Variants in EXOC4 observed in about 807,000 individuals in gnomAD.
EXOC4 encodes exocyst complex component 4.
In EXOC4, 71 loss-of-function variants were observed where a neutral mutation model predicts 107.2. That is an observed-to-expected ratio of 0.66 (90% confidence interval 0.55 to 0.81). EXOC4 has a LOEUF of 0.81. EXOC4 is among the 30% of genes least tolerant of loss of function. EXOC4 has a pLI of 0.00. For synonymous variants in EXOC4, 456 were observed against 441.2 expected (o/e 1.03, Z -0.42); for missense variants, 1,108 against 1,189.6 (o/e 0.93, Z 1.01).
chr7:133,897,922 T>C (rs1374943205), intron 12 of EXOC4, among the ~76,000 whole-genome samples: 1 of 152,118 alleles, frequency 6.6e-6, no homozygotes, highest in Non-Finnish European at 1.5e-5. Context: ...ATAGTGACCA[T>C]GATGTTCAAT....
intron 9 of EXOC4, among the ~76,000 whole-genome samples, chr7:133,603,465 A>C (rs889081597): frequency 6.6e-6 from 1 of 152,188 alleles, no homozygotes; most frequent in African/African-American, 2.4e-5. Context: ...TTCCACAAAC[A>C]TGGATGGTAT....
intron 1 of EXOC4, among the ~76,000 whole-genome samples, chr7:133,271,355 C>T (rs921835350): frequency 6.6e-6 from 1 of 152,098 alleles, no homozygotes; most frequent in Non-Finnish European, 1.5e-5. Context: ...AAATGTTCAC[C>T]GCCTACCATT....
At chr7:133,619,652 T>C (rs1802278590) in intron 9 of EXOC4, among the ~76,000 whole-genome samples, 1 of 152,236 alleles carries the variant, frequency 6.6e-6, no homozygotes. Context: ...TCACTCTTGC[T>C]GTTACAGGAA....
chr7:133,381,541 A>T (rs1456598547), intron 7 of EXOC4, among the ~76,000 whole-genome samples: 3 of 152,144 alleles, frequency 2.0e-5, no homozygotes, highest in Non-Finnish European at 2.9e-5. Flanking sequence ...ATAGACAAGG[A>T]TATTCAGGGA....
intron 5 of EXOC4, among the ~76,000 whole-genome samples, chr7:133,346,406 T>G (rs1795784845): frequency 6.6e-6 from 1 of 152,226 alleles, no homozygotes; most frequent in Admixed American, 6.5e-5. Flanking sequence ...CACAGAGATG[T>G]TATTCTCAAT....
At chr7:133,946,253 A>G (rs1258084909) in intron 14 of EXOC4, among the ~76,000 whole-genome samples, 1 of 152,158 alleles carries the variant, frequency 6.6e-6, no homozygotes, top group South Asian at 2.1e-4. Flanking sequence ...TATTGACGAT[A>G]CCTTCCAAAC....
At chr7:133,588,928 A>G (rs1174424390) in intron 9 of EXOC4, among the ~76,000 whole-genome samples, 2 of 151,370 alleles carry the variant, frequency 1.3e-5, no homozygotes, top group Non-Finnish European at 2.9e-5. Context: ...ATGTGTGTAT[A>G]TGTGTGTGTG....
intron 17 of EXOC4, among the ~76,000 whole-genome samples, chr7:134,049,820 A>C (rs1795740241): frequency 6.6e-6 from 1 of 152,066 alleles, no homozygotes; most frequent in Non-Finnish European, 1.5e-5. Context: ...GCAAGTAAAC[A>C]AATTTAAAAA....
intron 9 of EXOC4, among the ~76,000 whole-genome samples, chr7:133,533,083 A>G (rs944768847): frequency 4.6e-5 from 7 of 152,106 alleles, no homozygotes; most frequent in African/African-American, 1.7e-4. Flanking sequence ...TGAGCAATGT[A>G]TCTTGGTCTT....
intron 17 of EXOC4, among the ~76,000 whole-genome samples, chr7:134,028,675 C>T (rs887219954): frequency 1.3e-5 from 2 of 152,170 alleles, no homozygotes; most frequent in African/African-American, 4.8e-5. Context: ...GCCAACTAGT[C>T]TTCTGCCTCC....
At chr7:133,929,470 T>C (rs765542750) in intron 13 of EXOC4, among the ~76,000 whole-genome samples, 1 of 91,910 alleles carries the variant, frequency 1.1e-5, no homozygotes, top group African/African-American at 1.1e-4. Flanking sequence ...CTAACACTTC[T>C]ATCCCAGAAA....
At chr7:133,471,595 T>C (rs908908101) in intron 7 of EXOC4, among the ~76,000 whole-genome samples, 1 of 152,226 alleles carries the variant, frequency 6.6e-6, no homozygotes, top group African/African-American at 2.4e-5. Flanking sequence ...CCTTTTTCTT[T>C]TAAATTTTAT....
At chr7:133,810,829 T>C (rs1797209134) in intron 10 of EXOC4, among the ~76,000 whole-genome samples, 1 of 151,900 alleles carries the variant, frequency 6.6e-6, no homozygotes, top group Non-Finnish European at 1.5e-5. Flanking sequence ...GAGACAGGGT[T>C]TTACCATGTT....
At chr7:133,973,887 C>T (rs1442352351) in intron 14 of EXOC4, among the ~76,000 whole-genome samples, 1 of 152,178 alleles carries the variant, frequency 6.6e-6, no homozygotes, top group Non-Finnish European at 1.5e-5. Flanking sequence ...GGGCCTGCAT[C>T]TGGCAAGTGC....
intron 11 of EXOC4, among the ~76,000 whole-genome samples, chr7:133,840,349 A>G (rs1324231332): frequency 6.6e-6 from 1 of 152,190 alleles, no homozygotes; most frequent in Admixed American, 6.5e-5. Context: ...ATAGGGATGC[A>G]TATCTAAGTG....
chr7:133,861,040 C>T (rs1463659317), intron 11 of EXOC4, among the ~76,000 whole-genome samples: 2 of 152,200 alleles, frequency 1.3e-5, no homozygotes, highest in African/African-American at 4.8e-5. Flanking sequence ...ACTGACTCAG[C>T]TGCCACCTCC....
rs755489771 is a variant in EXOC4 at position 133,305,859 on chromosome 7, A to AT, written c.472-11dup. 42 of 1,564,328 alleles carry AT rather than the reference A, an allele frequency of 2.7e-5. No homozygotes were observed. The highest frequency in any genetic ancestry group is 1.7e-4 in the Middle Eastern group (1 of 5,830). ...ATTAAGTTGTACTTAATTGTCTTTC[A>AT]TTTTTTTCTCTTTTCAGGTGTCAGC... On this transcript the variant is annotated splice_polypyrimidine_tract_variant and intron_variant, in intron 3 of 17. Transcript: ENST00000253861.
At chr7:133,590,266 A>AT (rs774083429) in intron 9 of EXOC4, among the ~76,000 whole-genome samples, 4 of 151,738 alleles carry the variant, frequency 2.6e-5, no homozygotes, top group East Asian at 1.9e-4. Flanking sequence ...GCTTCACTAT[A>AT]TTTTTTTTCT....
intron 14 of EXOC4, among the ~76,000 whole-genome samples, chr7:133,994,745 AT>A (rs1794346575): frequency 7.5e-6 from 1 of 133,840 alleles, no homozygotes; most frequent in Non-Finnish European, 1.6e-5. Context: ...TTTAAAGGGT[AT>A]GTACAAGGTT....
Sources: gnomAD v4.1 joint callset for allele counts (sites outside exome capture counted in the v4.1 genomes callset) on GRCh38, gnomAD v4.1.1 for gene constraint, MANE v1.5 for transcripts, NCBI Gene and HGNC (gene_info 2026-07-23, HGNC 2026-07-21) for gene names.